The following MAN1A2 variants were observed in gnomAD, a reference collection of about 807,000 sequenced individuals.
MAN1A2 encodes mannosidase alpha class 1A member 2.
In MAN1A2, 26 loss-of-function variants were observed where a neutral mutation model predicts 75.7. That is an observed-to-expected ratio of 0.34 (90% CI 0.25 to 0.48). The LOEUF (loss-of-function observed/expected upper bound fraction) is 0.48. MAN1A2 is among the 20% of genes least tolerant of loss of function. The pLI is 0.99. For missense variants in MAN1A2, 562 were observed against 775.5 expected (o/e 0.72, Z 3.27); for synonymous variants, 247 against 264.6 (o/e 0.93, Z 0.65).
At chr1:117,481,320 TA>T (rs532902296) in intron 8 of MAN1A2, among the ~76,000 whole-genome samples, 79 of 145,484 alleles carry the variant, frequency 5.4e-4, no homozygotes, top group Admixed American at 9.0e-4. Context: ...AAAGCCTATT[TA>T]AAAAAAAAAA....
chr1:117,451,185 A>G (rs575350534), intron 6 of MAN1A2, among the ~76,000 whole-genome samples: 3 of 152,358 alleles, frequency 2.0e-5, no homozygotes, highest in East Asian at 1.9e-4. Context: ...GATGTGAGAC[A>G]TGGAGTCAAA....
chr1:117,511,189 CAGG>C (rs1651522947), intron 12 of MAN1A2, among the ~76,000 whole-genome samples: 1 of 152,022 alleles, frequency 6.6e-6, no homozygotes, highest in African/African-American at 2.4e-5. Context: ...CACTCATTAT[CAGG>C]AGAACAATAT....
In MAN1A2 at chr1:117,399,181, A is replaced by G. The variant is rs141746760; in HGVS notation, c.303-3005A>G. Among the ~76,000 whole-genome samples the G allele has an allele frequency of 4.1e-3, 623 of 152,290 alleles. 4 individuals carry two copies. Among genetic ancestry groups the G allele is most frequent in the African/African-American group, 0.014 (576 of 41,552 alleles). On this transcript the variant is annotated intron_variant, in intron 1 of 12. Coordinates refer to ENST00000356554, the MANE Select transcript of MAN1A2 (RefSeq NM_006699.5). ...GGGGATATGGGATGTTTTGTGGCATATATGTCTTGCCCCCCACAGGGTGGA... is the reference window on the plus strand; with the variant it reads ...GGGGATATGGGATGTTTTGTGGCATGTATGTCTTGCCCCCCACAGGGTGGA...
At chr1:117,403,658 T>A (rs1480348649) in intron 2 of MAN1A2, among the ~76,000 whole-genome samples, 1 of 152,244 alleles carries the variant, frequency 6.6e-6, no homozygotes, top group South Asian at 2.1e-4. Context: ...TTTATTCTTA[T>A]AGCTTTTTTG....
At chr1:117,445,880 G>GTATATATATATATATA (rs771435341) in intron 6 of MAN1A2, among the ~76,000 whole-genome samples, 1 of 126,014 alleles carries the variant, frequency 7.9e-6, no homozygotes, top group Non-Finnish European at 1.7e-5. Flanking sequence ...GTGTCTGTGT[G>GTATATATATATATATA]TGTGTATATA....
chr1:117,372,812 G>GT (rs1032133074), intron 1 of MAN1A2, among the ~76,000 whole-genome samples: 9 of 147,534 alleles, frequency 6.1e-5, no homozygotes, highest in African/African-American at 2.3e-4. Flanking sequence ...GGCTTTGTGA[G>GT]TTAAAAAAAA....
chr1:117,474,811 AC>A (rs71750799), intron 8 of MAN1A2, among the ~76,000 whole-genome samples: 18,832 of 151,744 alleles, frequency 0.12, 1,227 homozygotes, highest in Non-Finnish European at 0.14. Context: ...CATATCTATC[AC>A]CCCTTTTCCT....
At chr1:117,423,438 A>G (rs958788842) in intron 5 of MAN1A2, among the ~76,000 whole-genome samples, 1 of 152,134 alleles carries the variant, frequency 6.6e-6, no homozygotes, top group Non-Finnish European at 1.5e-5. Context: ...TTTAACTGGG[A>G]TTATAAATTT....
chr1:117,466,254 A>G (rs1266530177), intron 7 of MAN1A2, 80 bp from the exon 8 acceptor site: 4 of 918,856 alleles, frequency 4.4e-6, no homozygotes, highest in Admixed American at 2.4e-5. Flanking sequence ...TGAGTAAGAA[A>G]AAACACAAAG....
rs549937572 is a variant in MAN1A2 at position 117,478,612 on chromosome 1, G to GTTTA, written c.1168+12189_1168+12192dup. On this transcript the variant is annotated intron_variant, in intron 8 of 12. Coordinates refer to ENST00000356554, the MANE Select transcript of MAN1A2 (RefSeq NM_006699.5). ...AGTTGATTTTTCTATAGGGATCAAA[G>GTTTA]TTTATTTTTTTTACATATAAATATT... Among the ~76,000 whole-genome samples, 507 of 151,992 alleles carry GTTTA rather than the reference G, an allele frequency of 3.3e-3. 1 individual carries two copies. Among genetic ancestry groups the GTTTA allele is most frequent in the Non-Finnish European group, 5.9e-3 (398 of 67,908 alleles).
At chr1:117,488,071 T>A (rs1650768484) in intron 8 of MAN1A2, among the ~76,000 whole-genome samples, 1 of 152,080 alleles carries the variant, frequency 6.6e-6, no homozygotes, top group Non-Finnish European at 1.5e-5. Flanking sequence ...TATTGCCCTG[T>A]CTTCTACTCC....
At chr1:117,476,974 T>G (rs1650333948) in intron 8 of MAN1A2, among the ~76,000 whole-genome samples, 1 of 152,100 alleles carries the variant, frequency 6.6e-6, no homozygotes, top group Non-Finnish European at 1.5e-5. Context: ...ACGATATTGA[T>G]TCTTCATATT....
chr1:117,402,729 A>C (rs1647481460), intron 2 of MAN1A2, among the ~76,000 whole-genome samples: 1 of 151,978 alleles, frequency 6.6e-6, no homozygotes, highest in Non-Finnish European at 1.5e-5. Context: ...TTTATTAATA[A>C]TATATCTGTA....
At chr1:117,518,674 C>T (rs1164804453) in intron 12 of MAN1A2, among the ~76,000 whole-genome samples, 2 of 151,876 alleles carry the variant, frequency 1.3e-5, no homozygotes, top group Non-Finnish European at 2.9e-5. Context: ...CTGGAGCTCC[C>T]AAATTTATAA....
At chr1:117,404,128 G>T (rs116805279) in intron 2 of MAN1A2, among the ~76,000 whole-genome samples, 1 of 152,006 alleles carries the variant, frequency 6.6e-6, no homozygotes, top group African/African-American at 2.4e-5. Flanking sequence ...CCACTTTGTC[G>T]TGGTATGGTA....
chr1:117,419,870 ATGTC>A lies in MAN1A2; in HGVS notation c.775-694_775-691del, dbSNP rs1156419884. On this transcript the variant is annotated intron_variant, in intron 4 of 12. Transcript: ENST00000356554. ...GTAATTTGCATTTTAGAAAAATTTC[ATGTC>A]TGTCATCAATTTATCAAAACTATTG... 3.9e-5 allele frequency among the ~76,000 whole-genome samples: 6 copies of A among 151,946 alleles called. No individual in the cohort carries two copies. In the East Asian group the frequency reaches 9.6e-4, roughly 24 times the overall value.
Position 117,368,219 on chromosome 1 carries a change from T to C in MAN1A2, c.36T>C (p.Arg12=). ...TTPALLPLSG[R]RIPPLNLGPP... ...CAGCCCTGCTGCCCCTCTCTGGACG[T>C]AGGATACCACCTCTGAACCTGGGGC... is the stretch of plus-strand genomic sequence containing the variant. The change falls in exon 1 of 13, where the codon CGT becomes CGC. Residue 12 remains arginine, a synonymous_variant. Coordinates refer to ENST00000356554, the MANE Select transcript of MAN1A2 (RefSeq NM_006699.5). The C allele has an allele frequency of 1.2e-6, 2 of 1,613,924 alleles. No individual in the cohort carries two copies. The highest frequency in any genetic ancestry group is 1.7e-6 in the Non-Finnish European group (2 of 1,179,956).
At chr1:117,505,279 A>G (rs1209813485) in intron 12 of MAN1A2, among the ~76,000 whole-genome samples, 1 of 151,250 alleles carries the variant, frequency 6.6e-6, no homozygotes, top group African/African-American at 2.4e-5. Flanking sequence ...TTAATTCTCA[A>G]ATCTCTCATC....
rs573611357 is a variant in MAN1A2, at chr1:117,514,205, A to G, written c.1794-8620A>G. ...TGGTGAAACCCCGTCTCTACTAAAA[A>G]TACAAAAATTAGCCGGGCATGGTGG... On this transcript the variant is annotated intron_variant, in intron 12 of 12. Coordinates refer to ENST00000356554, the MANE Select transcript of MAN1A2 (RefSeq NM_006699.5). 9.4e-5 allele frequency among the ~76,000 whole-genome samples: 14 copies of G among 148,800 alleles called. No homozygotes were observed. The East Asian group carries it at 2.3e-3, about 25-fold the overall frequency.
Sources: allele counts gnomAD v4.1 joint callset (sites outside exome capture counted in the v4.1 genomes callset), GRCh38; gene constraint gnomAD v4.1.1; transcripts MANE v1.5; gene names NCBI Gene and HGNC (gene_info 2026-07-23, HGNC 2026-07-21).